NEK7: variants seen among roughly 807,000 people sequenced by gnomAD.
NEK7 encodes the protein serine/threonine-protein kinase Nek7.
NEK7 carries 18 observed loss-of-function variants against 44.6 expected under a neutral mutation model. That is an observed-to-expected ratio of 0.40 (90% CI 0.28 to 0.60). NEK7 has a LOEUF of 0.60. NEK7 is among the 20% of genes least tolerant of loss of function. The probability of loss-of-function intolerance (pLI) is 0.38; values close to 1 mark genes in which losing one functional copy is unlikely to be tolerated. For synonymous variants in NEK7, 130 were observed against 121.1 expected (o/e 1.07, Z -0.48); for missense variants, 256 against 366.5 (o/e 0.70, Z 2.46).
At chr1:198,204,755 AT>A (rs1460625359) in intron 1 of NEK7, among the ~76,000 whole-genome samples, 2 of 150,898 alleles carry the variant, frequency 1.3e-5, no homozygotes, top group Admixed American at 1.3e-4. Context: ...CAGGTATTTC[AT>A]TTACAGATAT....
At chr1:198,313,078 C>A (rs1036225163) in intron 9 of NEK7, among the ~76,000 whole-genome samples, 2 of 151,942 alleles carry the variant, frequency 1.3e-5, no homozygotes, top group Non-Finnish European at 2.9e-5. Context: ...GAGTCTAAGT[C>A]TCTTTGTAGG....
intron 1 of NEK7, among the ~76,000 whole-genome samples, chr1:198,159,715 A>G (rs1386706506): frequency 6.6e-6 from 1 of 152,116 alleles, no homozygotes; most frequent in Non-Finnish European, 1.5e-5. Flanking sequence ...TCCTGTCTGG[A>G]CAATTTCGAG....
intron 7 of NEK7, among the ~76,000 whole-genome samples, chr1:198,289,092 A>T (rs1654465478): frequency 6.6e-6 from 1 of 151,764 alleles, no homozygotes; most frequent in Non-Finnish European, 1.5e-5. Flanking sequence ...ACTCATGAGT[A>T]TGAAGGAAAG....
In NEK7 at chr1:198,322,294, T is replaced by C. The variant is rs1655554285; in HGVS notation, c.*2772T>C. The C allele has an allele frequency of 6.6e-6, 1 of 152,186 alleles. No homozygotes were observed. The highest frequency in any genetic ancestry group is 6.5e-5 in the Admixed American group (1 of 15,284). The allele number at this position is 152,186 out of a possible 1,614,324, so 9.4% of individuals were successfully genotyped here. A position where few individuals can be genotyped will look rare whatever the true frequency, so the allele number is the denominator to read the frequency against. On this transcript the variant is annotated 3_prime_UTR_variant, in exon 10 of 10. Coordinates refer to ENST00000367385, the MANE Select transcript of NEK7 (RefSeq NM_133494.3). Reference sequence around the variant, plus strand: ...AATAGTACTGTAATATGGACATCTTTTGTGAAATACTTTTATTTTGTTATG... The same window carrying C: ...AATAGTACTGTAATATGGACATCTTCTGTGAAATACTTTTATTTTGTTATG...
At chr1:198,296,458 T>A (rs1205849973) in intron 8 of NEK7, among the ~76,000 whole-genome samples, 1 of 152,224 alleles carries the variant, frequency 6.6e-6, no homozygotes, top group Non-Finnish European at 1.5e-5. Context: ...TTGTTCATCC[T>A]TTGGGTCGTG....
chr1:198,176,029 G>A (rs1199553689), intron 1 of NEK7, among the ~76,000 whole-genome samples: 2 of 152,114 alleles, frequency 1.3e-5, no homozygotes, highest in African/African-American at 4.8e-5. Flanking sequence ...GACACAGGGC[G>A]GATATGTTGT....
intron 1 of NEK7, among the ~76,000 whole-genome samples, chr1:198,194,222 T>C (rs768467531): frequency 3.9e-5 from 6 of 152,126 alleles, no homozygotes; most frequent in Admixed American, 1.3e-4. Context: ...ATGAAGACTC[T>C]ATTTTTTATT....
chr1:198,236,763 A>G (rs1051969309), intron 2 of NEK7, among the ~76,000 whole-genome samples: 2 of 152,160 alleles, frequency 1.3e-5, no homozygotes, highest in Non-Finnish European at 2.9e-5. Context: ...CACCCCCTCT[A>G]CTGGGTCCGT....
chr1:198,165,796 T>C (rs548731819), intron 1 of NEK7, among the ~76,000 whole-genome samples: 1 of 152,364 alleles, frequency 6.6e-6, no homozygotes, highest in East Asian at 1.9e-4. Flanking sequence ...TCTCTCTAGC[T>C]ATAAAAGTCC....
At chr1:198,259,954 G>T (rs963817024) in intron 3 of NEK7, among the ~76,000 whole-genome samples, 1 of 152,130 alleles carries the variant, frequency 6.6e-6, no homozygotes, top group African/African-American at 2.4e-5. Flanking sequence ...GCACTTACAA[G>T]TTGCGTGTTA....
At chr1:198,192,728 A>G (rs1185698712) in intron 1 of NEK7, among the ~76,000 whole-genome samples, 1 of 152,190 alleles carries the variant, frequency 6.6e-6, no homozygotes, top group Non-Finnish European at 1.5e-5. Context: ...GTAAATAATG[A>G]AATTAAGGCA....
intron 1 of NEK7, among the ~76,000 whole-genome samples, chr1:198,208,004 C>T (rs1665649111): frequency 6.6e-6 from 1 of 152,144 alleles, no homozygotes; most frequent in Non-Finnish European, 1.5e-5. Context: ...TCATGTATTT[C>T]AATTTTAGAT....
chr1:198,295,181 G>A (rs777314241), intron 8 of NEK7, among the ~76,000 whole-genome samples: 1 of 151,684 alleles, frequency 6.6e-6, no homozygotes, highest in Non-Finnish European at 1.5e-5. Flanking sequence ...TTTGCTACAC[G>A]GACCTTTACA....
chr1:198,293,180 C>A, intron 8 of NEK7, 141 bp downstream of exon 8: 2 of 528,832 alleles, frequency 3.8e-6, no homozygotes, highest in Non-Finnish European at 3.3e-6. Flanking sequence ...GGGTTAATAA[C>A]TTTGTATAAT....
chr1:198,164,819 T>G (rs949474470), intron 1 of NEK7, among the ~76,000 whole-genome samples: 2 of 152,204 alleles, frequency 1.3e-5, no homozygotes, highest in African/African-American at 4.8e-5. Context: ...TGACTCTTTC[T>G]TTCATGAAAA....
At chr1:198,238,773 T>C (rs1666606998) in intron 2 of NEK7, among the ~76,000 whole-genome samples, 1 of 152,252 alleles carries the variant, frequency 6.6e-6, no homozygotes, top group Non-Finnish European at 1.5e-5. Flanking sequence ...AATTAGTTTT[T>C]AGCTTTCACA....
chr1:198,200,218 A>C (rs969859301), intron 1 of NEK7, among the ~76,000 whole-genome samples: 1 of 152,104 alleles, frequency 6.6e-6, no homozygotes, highest in African/African-American at 2.4e-5. Context: ...ATTTTAGTCT[A>C]ATTTATAGAG....
intron 1 of NEK7, among the ~76,000 whole-genome samples, chr1:198,197,545 C>A (rs935847917): frequency 6.6e-6 from 1 of 152,064 alleles, no homozygotes; most frequent in Non-Finnish European, 1.5e-5. Context: ...AAAAATAGCT[C>A]CCCTGCTTAA....
chr1:198,261,672 G>A (rs1653474838), intron 3 of NEK7, among the ~76,000 whole-genome samples: 1 of 151,776 alleles, frequency 6.6e-6, no homozygotes, highest in Non-Finnish European at 1.5e-5. Context: ...TTTTTTTGCA[G>A]TCTCTAAGAT....
Sources: gnomAD v4.1 joint callset for allele counts (sites outside exome capture counted in the v4.1 genomes callset) on GRCh38, gnomAD v4.1.1 for gene constraint, MANE v1.5 for transcripts, NCBI Gene and HGNC (gene_info 2026-07-23, HGNC 2026-07-21) for gene names.